DMRT1: variants seen among roughly 807,000 people sequenced by gnomAD.
The protein encoded by DMRT1 is doublesex- and mab-3-related transcription factor 1.
Under a neutral mutation model 32.3 loss-of-function variants are expected in DMRT1, and 7 were observed. The ratio of observed to expected loss-of-function variants is 0.22; its 90% confidence interval spans 0.12 to 0.41. The LOEUF is 0.41. Ranked by LOEUF, DMRT1 falls within the 10% of genes least tolerant of loss-of-function variation. The pLI, the probability that DMRT1 is intolerant of heterozygous loss-of-function variation, is 1.00. For missense variants in DMRT1, 625 were observed against 500.5 expected, an observed-to-expected ratio of 1.25 and a Z score of -2.37; for synonymous variants, 278 against 206.1, an observed-to-expected ratio of 1.35 and a Z score of -2.99.
At chr9:902,031 T>C (rs1817601162) in intron 3 of DMRT1, among the ~76,000 whole-genome samples, 1 of 150,812 alleles carries the variant, frequency 6.6e-6, no homozygotes, top group Non-Finnish European at 1.5e-5. Flanking sequence ...TGCCTCAGCG[T>C]CCTGAGTAGC....
intron 4 of DMRT1, among the ~76,000 whole-genome samples, chr9:949,373 A>C (rs1710300850): frequency 6.6e-6 from 1 of 151,910 alleles, no homozygotes; most frequent in Non-Finnish European, 1.5e-5. Flanking sequence ...TCGGGGAAAA[A>C]AAAACCCCAA....
chr9:957,899 A>G (rs925375624), intron 4 of DMRT1, among the ~76,000 whole-genome samples: 5 of 152,006 alleles, frequency 3.3e-5, no homozygotes, highest in African/African-American at 1.2e-4. Flanking sequence ...AATCCTAGCT[A>G]CTTGGGAGGC....
At chr9:916,976 G>GACACAGCTAATGAC in intron 4 of DMRT1, 69 bp downstream of exon 4, 9 of 1,553,540 alleles carry the variant, frequency 5.8e-6, no homozygotes, top group Non-Finnish European at 8.0e-6. Flanking sequence ...TGGGTCATTA[G>GACACAGCTAATGAC]CTGTGTCTAA....
intron 3 of DMRT1, among the ~76,000 whole-genome samples, chr9:906,549 G>A (rs576975373): frequency 3.7e-4 from 57 of 152,236 alleles, no homozygotes; most frequent in African/African-American, 1.3e-3. Flanking sequence ...CACTAGTTTT[G>A]TCTAAAACAG....
intron 4 of DMRT1, among the ~76,000 whole-genome samples, chr9:949,381 C>T (rs1819356346): frequency 6.6e-6 from 1 of 151,700 alleles, no homozygotes; most frequent in Admixed American, 6.6e-5. Context: ...AAAAAAACCC[C>T]AAAAAACCCA....
chr9:894,319 C>G (rs1817269521), intron 3 of DMRT1, 124 bp downstream of exon 3: 2 of 957,714 alleles, frequency 2.1e-6, no homozygotes, highest in Non-Finnish European at 3.3e-6. Context: ...ACAGGTGACA[C>G]ACACAGGTAC....
intron 4 of DMRT1, among the ~76,000 whole-genome samples, chr9:960,334 G>A (rs565235821): frequency 3.9e-5 from 6 of 152,216 alleles, no homozygotes; most frequent in Non-Finnish European, 8.8e-5. Flanking sequence ...GAGGTGTTGG[G>A]TGTGTTGTCA....
intron 2 of DMRT1, among the ~76,000 whole-genome samples, chr9:878,782 C>T (rs1019880053): frequency 6.6e-5 from 10 of 152,202 alleles, no homozygotes; most frequent in Non-Finnish European, 1.2e-4. Flanking sequence ...GCACTCAACA[C>T]GTGGCAGAGC....
chr9:918,680 C>T (rs1200606034), intron 4 of DMRT1, among the ~76,000 whole-genome samples: 1 of 151,784 alleles, frequency 6.6e-6, no homozygotes. Context: ...TGCTAACCCA[C>T]TAACAGTTAA....
At chr9:889,313 T>A (rs1243932889) in intron 2 of DMRT1, among the ~76,000 whole-genome samples, 1 of 152,252 alleles carries the variant, frequency 6.6e-6, no homozygotes, top group East Asian at 1.9e-4. Flanking sequence ...CAAATCTAAC[T>A]TTTTTAAAGT....
At chr9:915,814 G>A (rs1026098319) in intron 3 of DMRT1, among the ~76,000 whole-genome samples, 3 of 151,830 alleles carry the variant, frequency 2.0e-5, no homozygotes, top group Admixed American at 2.0e-4. Context: ...CTCAGTACAA[G>A]CTCTGCCTCC....
At chr9:933,245 A>G (rs982313582) in intron 4 of DMRT1, among the ~76,000 whole-genome samples, 3 of 152,178 alleles carry the variant, frequency 2.0e-5, no homozygotes, top group African/African-American at 7.2e-5. Context: ...ATCAAGGCTT[A>G]GGGTCTTTCG....
At chr9:870,041 TG>T (rs1341591310) in intron 2 of DMRT1, among the ~76,000 whole-genome samples, 1 of 152,224 alleles carries the variant, frequency 6.6e-6, no homozygotes, top group Non-Finnish European at 1.5e-5. Context: ...CTTAAGTTTT[TG>T]AGAGCTTTCT....
At chr9:884,585 T>G (rs1486225393) in intron 2 of DMRT1, among the ~76,000 whole-genome samples, 2 of 152,210 alleles carry the variant, frequency 1.3e-5, no homozygotes, top group African/African-American at 4.8e-5. Flanking sequence ...GTGTATTTCT[T>G]GAGTTCCTGA....
chr9:880,042 A>C (rs1169469680), intron 2 of DMRT1, among the ~76,000 whole-genome samples: 1 of 152,246 alleles, frequency 6.6e-6, no homozygotes, highest in Non-Finnish European at 1.5e-5. Flanking sequence ...AAATTTCGGC[A>C]ATAAATACTG....
rs560428942 is a variant in DMRT1, at chr9:876,274, G to A, written c.539-17638G>A. ...AGAATTTAGAGGGAGCTGCTTCCAGGATAAGGTAGAAGAGCCACAAGTCAG... is the reference window on the plus strand; with the variant it reads ...AGAATTTAGAGGGAGCTGCTTCCAGAATAAGGTAGAAGAGCCACAAGTCAG... On this transcript the variant is annotated intron_variant, in intron 2 of 4. Coordinates refer to ENST00000382276, the MANE Select transcript of DMRT1 (RefSeq NM_021951.3). Among the ~76,000 whole-genome samples the A allele has an allele frequency of 1.6e-4, 24 of 152,286 alleles. No individual in the cohort carries two copies. The South Asian group carries it at 4.8e-3, about 30-fold the overall frequency.
At chr9:848,141 T>C (rs1334215379) in intron 2 of DMRT1, among the ~76,000 whole-genome samples, 1 of 152,250 alleles carries the variant, frequency 6.6e-6, no homozygotes, top group Admixed American at 6.5e-5. Context: ...AGCAGTGTGA[T>C]ATCACCTTGA....
intron 4 of DMRT1, among the ~76,000 whole-genome samples, chr9:925,893 A>G (rs1236518903): frequency 6.6e-6 from 1 of 152,204 alleles, no homozygotes; most frequent in African/African-American, 2.4e-5. Flanking sequence ...TGTTTATCCA[A>G]GGCCTCACTG....
chr9:919,996 G>C (rs1307585953), intron 4 of DMRT1, among the ~76,000 whole-genome samples: 1 of 152,136 alleles, frequency 6.6e-6, no homozygotes, highest in Admixed American at 6.5e-5. Flanking sequence ...AAAGTAGATT[G>C]GGGTTTCCAA....
Sources: gnomAD v4.1 joint callset for allele counts (sites outside exome capture counted in the v4.1 genomes callset) on GRCh38, gnomAD v4.1.1 for gene constraint, MANE v1.5 for transcripts, NCBI Gene and HGNC (gene_info 2026-07-23, HGNC 2026-07-21) for gene names.